The following FLNC variants were observed in gnomAD, a reference collection of about 807,000 sequenced individuals.
FLNC encodes filamin-C.
A neutral mutation model predicts 254.3 loss-of-function variants in FLNC; 91 were observed. The observed-to-expected ratio is 0.36, with a 90% CI of 0.30 to 0.43. The LOEUF is 0.43. FLNC is among the 20% of genes least tolerant of loss of function. The pLI is 1.00. For synonymous variants in FLNC, 1,430 were observed against 1,577.2 expected (o/e 0.91, Z 2.21); for missense variants, 2,853 against 3,802.6 (o/e 0.75, Z 6.57).
rs777447497 is a variant in FLNC, at chr7:128,846,305, G to C, written c.3969G>C (p.Val1323=). The C allele has an allele frequency of 6.2e-7, 1 of 1,613,714 alleles. No individual in the cohort carries two copies. Among genetic ancestry groups the C allele is most frequent in the African/African-American group, 1.3e-5 (1 of 74,900 alleles). Residue 1323 remains valine (V), a synonymous_variant, in exon 23 of 48, where the codon GTG becomes GTC. Coordinates refer to ENST00000325888, the MANE Select transcript of FLNC (RefSeq NM_001458.5). The part of the protein sequence containing the change: ...RVQYTAYEEG[V]HLVEVLYDEV... ...GCCCCTGTGGCTGGCTTCCAGGCGT[G>C]CATCTGGTGGAGGTCCTGTATGATG...
chr7:128,848,996 C>G lies in FLNC; in HGVS notation c.4927+14C>G, dbSNP rs542105844. 1 of 1,609,000 alleles carries G rather than the reference C, an allele frequency of 6.2e-7. No individual in the cohort carries two copies. Among genetic ancestry groups the G allele is most frequent in the Non-Finnish European group, 8.5e-7 (1 of 1,177,896 alleles). On this transcript the variant is annotated intron_variant, in intron 28 of 47. Coordinates refer to ENST00000325888, the MANE Select transcript of FLNC (RefSeq NM_001458.5). The stretch of plus-strand genomic sequence containing the variant: ...GCCTCGTCACAGGTGGGTGCCCACC[C>G]GCTGCCCGTGCCCTGCTCACCACCC...
chr7:128,844,251 C>G lies in FLNC; in HGVS notation c.3177C>G (p.Pro1059=), dbSNP rs1194923245. The G allele has an allele frequency of 6.2e-7, 1 of 1,608,354 alleles. No individual in the cohort carries two copies. Among genetic ancestry groups the G allele is most frequent in the Non-Finnish European group, 8.5e-7 (1 of 1,176,792 alleles). Residue 1059 remains proline (P), a synonymous_variant, in exon 20 of 48, where the codon CCC becomes CCG. Coordinates refer to ENST00000325888, the MANE Select transcript of FLNC (RefSeq NM_001458.5). ...CGTTTGCTGTGGAGGGTGTCCTGCCCCCTGATCCCTCCAAGGTGAGGAGAT... is the reference window on the plus strand; with the variant it reads ...CGTTTGCTGTGGAGGGTGTCCTGCCGCCTGATCCCTCCAAGGTGAGGAGAT... The part of the protein sequence containing the change: ...GSPFAVEGVL[P]PDPSKVCAYG...
At chr7:128,845,537 T>C (rs1808524827) in intron 21 of FLNC, among the ~76,000 whole-genome samples, 1 of 152,116 alleles carries the variant, frequency 6.6e-6, no homozygotes, top group African/African-American at 2.4e-5. Context: ...AGGGGTACCC[T>C]GATCCAAAAA....
chr7:128,840,255 A>C, intron 9 of FLNC, 95 bp downstream of exon 9: 1 of 1,455,872 alleles, frequency 6.9e-7, no homozygotes, highest in Non-Finnish European at 9.5e-7. Flanking sequence ...AGTGACAGCC[A>C]GCACCACAGC....
rs370943622 is a variant in FLNC, at chr7:128,830,609, C to T, written c.-29C>T. ...CCGATAGCCCAAACCGCGGCCCTAG[C>T]CCCGGCCGCACCCCCAGCCCGCGCC... On this transcript the variant is annotated 5_prime_UTR_variant, in exon 1 of 48. Coordinates refer to ENST00000325888, the MANE Select transcript of FLNC (RefSeq NM_001458.5). The T allele has an allele frequency of 5.9e-5, 94 of 1,606,042 alleles. No homozygotes were observed. In the African/African-American group the frequency reaches 1.2e-3, roughly 20 times the overall value.
rs1284934094 is a variant in FLNC, at chr7:128,854,026, A to G, written c.6537A>G (p.Thr2179=). 6.2e-7 allele frequency: 1 copy of G among 1,612,932 alleles called. No homozygotes were observed. Among genetic ancestry groups the G allele is most frequent in the Non-Finnish European group, 8.5e-7 (1 of 1,179,970 alleles). ...SAQERLTRTF[T]RSSHTYTRTE... Reference sequence around the variant, plus strand: ...AGGAGCGCCTGACACGCACCTTCACACGCAGCAGCCACACCTACACCCGCA... The same window carrying G: ...AGGAGCGCCTGACACGCACCTTCACGCGCAGCAGCCACACCTACACCCGCA... The change falls in exon 40 of 48, where the codon ACA becomes ACG. Residue 2179 remains threonine, a synonymous_variant. Transcript: ENST00000325888.
rs912093153 is a variant in FLNC, at chr7:128,851,041, C to T, written c.5539+98C>T. On this transcript the variant is annotated intron_variant, in intron 33 of 47. Transcript: ENST00000325888. Reference sequence around the variant, plus strand: ...CTTTCAACAAATATTTATTGAGCACCCGCTGTGTGCAGACACCAGGCGAGG... The same window carrying T: ...CTTTCAACAAATATTTATTGAGCACTCGCTGTGTGCAGACACCAGGCGAGG... 48 of 1,540,556 alleles carry T rather than the reference C, an allele frequency of 3.1e-5. No homozygotes were observed. The African/African-American group carries it at 6.0e-4, about 19-fold the overall frequency.
In FLNC at chr7:128,834,115, A is replaced by G. The variant is rs558704115; in HGVS notation, c.353-1211A>G. On this transcript the variant is annotated intron_variant, in intron 1 of 47. Coordinates refer to ENST00000325888, the MANE Select transcript of FLNC (RefSeq NM_001458.5). Reference sequence around the variant, plus strand: ...GGAAGGCTCCACTCCACCCTCTCCCATCTCTCGGGCAACATCAGTAAACAA... The same window carrying G: ...GGAAGGCTCCACTCCACCCTCTCCCGTCTCTCGGGCAACATCAGTAAACAA... Among the ~76,000 whole-genome samples, 21 of 152,276 alleles carry G rather than the reference A, an allele frequency of 1.4e-4. 4 individuals are homozygous for G. Among genetic ancestry groups the G allele is most frequent in the African/African-American group, 4.6e-4 (19 of 41,558 alleles).
At position 128,849,494 on chromosome 7, in the gene FLNC, C is replaced by T. The variant is rs758795324; in HGVS notation, c.5115C>T (p.Tyr1705=). The stretch of plus-strand genomic sequence containing the variant: ...ACCATGACGGTACCTTTGACATCTA[C>T]TACACAGCGCCCGAGCCGGGCAAGT... ...VENHDGTFDI[Y]YTAPEPGKYV... Residue 1705 remains tyrosine (Y), a synonymous_variant, in exon 30 of 48, where the codon TAC becomes TAT. Coordinates refer to ENST00000325888, the MANE Select transcript of FLNC (RefSeq NM_001458.5). 1.9e-6 allele frequency: 3 copies of T among 1,614,226 alleles called. No homozygotes were observed. In the South Asian group the frequency reaches 3.3e-5, roughly 18 times the overall value.
At chr7:128,847,596 G>C in intron 24 of FLNC, 101 bp from the exon 25 acceptor site, 1 of 1,361,730 alleles carries the variant, frequency 7.3e-7, no homozygotes, top group Non-Finnish European at 1.0e-6. Context: ...CTTCCCTGTG[G>C]GCATTTCAAA....
Position 128,840,569 on chromosome 7 carries a change from A to G in FLNC, c.1571A>G (p.Lys524Arg), listed in dbSNP as rs753176255. 2 of 1,614,194 alleles carry G rather than the reference A, an allele frequency of 1.2e-6. No homozygotes were observed. The highest frequency in any genetic ancestry group is 1.7e-6 in the Non-Finnish European group (2 of 1,180,024). Residue 524 changes from lysine to arginine, a missense_variant, in exon 10 of 48, where the codon AAG (lysine) becomes AGG (arginine). Lys to Arg is a conservative substitution (Grantham distance 26, BLOSUM62 2). This residue lies in a region of FLNC where 1,573 missense variants were observed against 1,883.5 expected (regional missense o/e 0.84). Transcript: ENST00000325888. ...KGPKGTEEPV[K>R]VREAGDGVFE... ...TCAGAGGGCACAGAGGAGCCAGTGA[A>G]GGTGCGGGAGGCTGGGGATGGTGTG...
rs778594252 is a variant in FLNC at position 128,842,796 on chromosome 7, G to T, written c.2392G>T (p.Asp798Tyr). The stretch of plus-strand genomic sequence containing the variant: ...CAGCAGTGCCCGCTTCTCTGCAGGC[G>T]ACGTGAGCATCGGCATCAAGTGCGC... ...TVDCSEAGQG[D>Y]VSIGIKCAPG... Residue 798 changes from aspartate to tyrosine, a missense_variant and splice_region_variant, in exon 16 of 48, where the codon GAC (aspartate) becomes TAC (tyrosine). Transcript: ENST00000325888. This position sits in a 1 kb window ranked among gnomAD's most constrained non-coding sequence, Gnocchi z 5.4. 1 of 1,613,524 alleles carries T rather than the reference G, an allele frequency of 6.2e-7. No individual in the cohort carries two copies. Among genetic ancestry groups the T allele is most frequent in the Non-Finnish European group, 8.5e-7 (1 of 1,179,946 alleles).
In FLNC at chr7:128,856,921, G is replaced by A. The variant is rs746969946; in HGVS notation, c.7561G>A (p.Gly2521Ser). The change falls in exon 45 of 48, where the codon GGT becomes AGT. Residue 2521 changes from glycine (G) to serine (S), a missense_variant and splice_region_variant. Physicochemically the swap from Gly to Ser is moderately conservative, Grantham distance 56. This residue lies in a region of FLNC where 197 missense variants were observed against 351.5 expected (regional missense o/e 0.56). Coordinates refer to ENST00000325888, the MANE Select transcript of FLNC (RefSeq NM_001458.5). This position sits in a 1 kb window ranked among gnomAD's most constrained non-coding sequence, Gnocchi z 5.9. Reference protein sequence around the residue: ...YGPGLEGGTTGVSSEFIVNTL... With the variant: ...YGPGLEGGTTSVSSEFIVNTL... ...TCCTGGGCTCGAGGGAGGCACTACC[G>A]GTGAGTGCCTGGAGCTGGGGAACAG... The A allele has an allele frequency of 8.1e-6, 13 of 1,613,556 alleles. No homozygotes were observed. Among genetic ancestry groups the A allele is most frequent in the South Asian group, 1.1e-5 (1 of 91,064 alleles).
At chr7:128,854,992 T>G (rs1360234274) in intron 42 of FLNC, 80 bp downstream of exon 42, 1 of 1,508,802 alleles carries the variant, frequency 6.6e-7, no homozygotes, top group East Asian at 2.3e-5. Flanking sequence ...AGGCAGGAGA[T>G]GCTTGGGGCC....
rs1808553804 is a variant in FLNC at position 128,846,107 on chromosome 7, A to G, written c.3908A>G (p.Tyr1303Cys). 1 of 1,614,000 alleles carries G rather than the reference A, an allele frequency of 6.2e-7. No homozygotes were observed. The highest frequency in any genetic ancestry group is 1.1e-5 in the South Asian group (1 of 91,078). Reference protein sequence around the residue: ...LNPSGAKTDTYVTDNGDGTYR... With the variant: ...LNPSGAKTDTCVTDNGDGTYR... ...CCCTCGGGGGCCAAGACAGACACCT[A>G]TGTGACAGACAATGGGGACGGCACC... Residue 1303 changes from tyrosine to cysteine, a missense_variant, in exon 22 of 48, where the codon TAT becomes TGT. By Grantham distance (194) the Tyr-to-Cys change is radical. Around this residue, in one of 10 missense-constraint regions of FLNC, gnomAD observed 1,573 missense variants for 1,883.5 expected, o/e 0.84. Coordinates refer to ENST00000325888, the MANE Select transcript of FLNC (RefSeq NM_001458.5).
chr7:128,838,825 C>A, intron 8 of FLNC, 22 bp downstream of exon 8: 1 of 1,606,440 alleles, frequency 6.2e-7, no homozygotes, highest in Non-Finnish European at 8.5e-7. Context: ...TCACTGCTCC[C>A]CACGGTAGCC....
rs752516424 is a variant in FLNC at position 128,848,975 on chromosome 7, C to T, written c.4920C>T (p.Leu1640=). ...CCACTGGGGATGCCAGCAAGTGCCT[C>T]GTCACAGGTGGGTGCCCACCCGCTG... ...ALPTGDASKC[L]VTVSIGGHGL... Residue 1640 remains leucine (L), a synonymous_variant, in exon 28 of 48, where the codon CTC becomes CTT. Coordinates refer to ENST00000325888, the MANE Select transcript of FLNC (RefSeq NM_001458.5). The T allele has an allele frequency of 3.1e-5, 50 of 1,611,458 alleles. No individual in the cohort carries two copies. Among genetic ancestry groups the T allele is most frequent in the Admixed American group, 8.3e-5 (5 of 59,998 alleles).
At position 128,844,272 on chromosome 7, in the gene FLNC, G is replaced by A. The variant is rs1344798878; in HGVS notation, c.3192+6G>A. ...TGCCCCCTGATCCCTCCAAGGTGAG[G>A]AGATAGGAGCTGGTTGGGGCTGGGA... is the stretch of plus-strand genomic sequence containing the variant. On this transcript the variant is annotated splice_donor_region_variant and intron_variant, in intron 20 of 47. Coordinates refer to ENST00000325888, the MANE Select transcript of FLNC (RefSeq NM_001458.5). 2 of 1,601,120 alleles carry A rather than the reference G, an allele frequency of 1.2e-6. No individual in the cohort carries two copies. The highest frequency in any genetic ancestry group is 2.2e-5 in the South Asian group (2 of 89,832).
chr7:128,844,378 A>C (rs1808467826), intron 20 of FLNC, 112 bp downstream of exon 20: 4 of 1,333,548 alleles, frequency 3.0e-6, no homozygotes, highest in Non-Finnish European at 1.0e-6. Context: ...GGGCACAGCC[A>C]AGGGTGTGGG....
Sources: gnomAD v4.1 joint callset for allele counts (sites outside exome capture counted in the v4.1 genomes callset) on GRCh38, gnomAD v4.1.1 for gene constraint, gnomAD v4.1.1 regional missense constraint, Gnocchi (gnomAD v3.1) non-coding constraint, MANE v1.5 for transcripts, NCBI Gene and HGNC (gene_info 2026-07-23, HGNC 2026-07-21) for gene names.